The following PTPRF variants were observed in gnomAD, a reference collection of about 807,000 sequenced individuals.
PTPRF encodes the protein receptor-type tyrosine-protein phosphatase F.
In PTPRF, 59 loss-of-function variants were observed where a neutral mutation model predicts 201.8. The observed-to-expected ratio is 0.29, with a 90% confidence interval of 0.24 to 0.36. The LOEUF is 0.36. Ranked by LOEUF, PTPRF falls within the 10% of genes least tolerant of loss-of-function variation. PTPRF has a pLI of 1.00. For synonymous variants in PTPRF, 1,088 were observed against 1,089.7 expected (o/e 1.00, Z 0.03); for missense variants, 2,132 against 2,690.5 (o/e 0.79, Z 4.59).
chr1:43,555,954 C>A (rs968289459), intron 5 of PTPRF, among the ~76,000 whole-genome samples: 1 of 152,176 alleles, frequency 6.6e-6, no homozygotes, highest in African/African-American at 2.4e-5. Flanking sequence ...AGTCAAAGGG[C>A]ACATGCATTT....
upstream of PTPRF, among the ~76,000 whole-genome samples, chr1:43,522,067 TCCAA>T (rs1208826669): frequency 6.6e-6 from 1 of 152,140 alleles, no homozygotes; most frequent in African/African-American, 2.4e-5. Context: ...AAGCTACTCT[TCCAA>T]GAACATGGCC....
Position 43,591,223 on chromosome 1 carries a change from A to G in PTPRF, c.1201A>G (p.Ser401Gly), listed in dbSNP as rs764728270. 3 of 1,602,770 alleles carry G rather than the reference A, an allele frequency of 1.9e-6. No individual in the cohort carries two copies. The highest frequency in any genetic ancestry group is 2.6e-6 in the Non-Finnish European group (3 of 1,174,814). ...GAACAGCATCGGGCGAGGGCCGCCCAGCGAGGCAGTGCGGGCACGCACGGG... is the reference window on the plus strand; with the variant it reads ...GAACAGCATCGGGCGAGGGCCGCCCGGCGAGGCAGTGCGGGCACGCACGGG... The part of the protein sequence containing the change: ...AVNSIGRGPP[S>G]EAVRARTGEQ... The change falls in exon 9 of 34, where the codon AGC becomes GGC. Residue 401 changes from serine (S) to glycine (G), a missense_variant. Transcript: ENST00000359947.
chr1:43,605,390 G>T lies in PTPRF; in HGVS notation c.3336G>T (p.Glu1112Asp). Residue 1112 changes from glutamate (E) to aspartate (D), a missense_variant, in exon 18 of 34, where the codon GAG (glutamate) becomes GAT (aspartate). Transcript: ENST00000359947. ...HKPLPASAYIEDGRFDLSMPH... is the reference protein window; with the variant it reads ...HKPLPASAYIDDGRFDLSMPH... The stretch of plus-strand genomic sequence containing the variant: ...CGCTGCCTGCCTCTGCCTACATAGA[G>T]GACGGCCGCTTCGATCTCTCCATGC... 1 of 1,613,862 alleles carries T rather than the reference G, an allele frequency of 6.2e-7. No individual in the cohort carries two copies. Among genetic ancestry groups the T allele is most frequent in the Non-Finnish European group, 8.5e-7 (1 of 1,179,832 alleles).
At chr1:43,552,299 T>A (rs1422771217) in intron 3 of PTPRF, among the ~76,000 whole-genome samples, 1 of 152,148 alleles carries the variant, frequency 6.6e-6, no homozygotes, top group Non-Finnish European at 1.5e-5. Flanking sequence ...GACAATCTTG[T>A]GTGAACTGTT....
chr1:43,592,682 G>A (rs1449576027), intron 11 of PTPRF, 81 bp downstream of exon 11: 12 of 1,413,438 alleles, frequency 8.5e-6, no homozygotes, highest in African/African-American at 4.4e-5. Flanking sequence ...CTTCCCCCTC[G>A]ACCAGGCAGG....
chr1:43,616,315 C>A (rs1256606454), intron 23 of PTPRF, among the ~76,000 whole-genome samples: 1 of 151,406 alleles, frequency 6.6e-6, no homozygotes, highest in Non-Finnish European at 1.5e-5. Context: ...TGGGTCCTCA[C>A]TAACGCTTCG....
intron 1 of PTPRF, chr1:43,532,513 C>G (rs1184191423): frequency 1.3e-5 from 2 of 158,594 alleles, no homozygotes; most frequent in African/African-American, 4.8e-5. Context: ...GGGAAGTGCA[C>G]TGGGGTGAGA....
chr1:43,526,954 G>T (rs1346121042), upstream of PTPRF, among the ~76,000 whole-genome samples: 1 of 152,222 alleles, frequency 6.6e-6, no homozygotes, highest in African/African-American at 2.4e-5. Flanking sequence ...CAAACCCCTG[G>T]AGTTCATGGA....
chr1:43,585,207 C>A (rs998674009), intron 7 of PTPRF, among the ~76,000 whole-genome samples: 5 of 152,166 alleles, frequency 3.3e-5, no homozygotes, highest in African/African-American at 1.2e-4. Flanking sequence ...GGCCCTGTGC[C>A]TGCAGCAGTG....
At position 43,622,861 on chromosome 1, in the gene PTPRF, C is replaced by T. The variant is rs1659472904; in HGVS notation, c.*858C>T. 1 of 150,188 alleles carries T rather than the reference C, an allele frequency of 6.7e-6. No individual in the cohort carries two copies. The highest frequency in any genetic ancestry group is 2.1e-4 in the South Asian group (1 of 4,696). The allele number at this position is 150,188 out of a possible 1,614,324, so 9.3% of individuals were successfully genotyped here. A position where few individuals can be genotyped will look rare whatever the true frequency, so the allele number is the denominator to read the frequency against. ...AAAGGTTAAAACAAAAACAAAAAAC[C>T]ACAAAAATAAAAAACAAAAAAAACA... On this transcript the variant is annotated 3_prime_UTR_variant, in exon 34 of 34. Coordinates refer to ENST00000359947, the MANE Select transcript of PTPRF (RefSeq NM_002840.5).
Position 43,546,564 on chromosome 1 carries a change from C to T in PTPRF, c.91+1398C>T, listed in dbSNP as rs1293408584. ...TTGGACATTGAAGTACTGTCCTTGC[C>T]CTCCCCGCCGACCCAACCCCAGGCA... On this transcript the variant is annotated intron_variant, in intron 3 of 33. Transcript: ENST00000359947. The surrounding 1 kb of genome is among the most constrained non-coding windows in gnomAD (Gnocchi z 4.2). Among the ~76,000 whole-genome samples the T allele has an allele frequency of 6.6e-6, 1 of 152,042 alleles. No individual in the cohort carries two copies. The highest frequency in any genetic ancestry group is 2.4e-5 in the African/African-American group (1 of 41,362).
intron 6 of PTPRF, among the ~76,000 whole-genome samples, chr1:43,571,969 C>T (rs1320952773): frequency 6.6e-6 from 1 of 152,226 alleles, no homozygotes; most frequent in African/African-American, 2.4e-5. Context: ...GAGTTGATGG[C>T]CTGGCCTCTG....
At chr1:43,612,807 T>C in intron 22 of PTPRF, 1 of 1,364,972 alleles carries the variant, frequency 7.3e-7, no homozygotes, top group Non-Finnish European at 9.8e-7. Flanking sequence ...TCAAGTTAGT[T>C]TTCAAAGTTC....
At chr1:43,612,381 T>C (rs1213038135) in intron 22 of PTPRF, among the ~76,000 whole-genome samples, 1 of 152,092 alleles carries the variant, frequency 6.6e-6, no homozygotes, top group South Asian at 2.1e-4. Context: ...GGGTGTGGGA[T>C]CTGAGAAGGA....
intron 7 of PTPRF, among the ~76,000 whole-genome samples, chr1:43,587,764 C>T (rs373948734): frequency 6.6e-6 from 1 of 152,192 alleles, no homozygotes; most frequent in African/African-American, 2.4e-5. Context: ...AGCTGCATGG[C>T]CCATCTGCAT....
At chr1:43,598,335 A>G (rs1488509735) in intron 12 of PTPRF, 3 of 471,782 alleles carry the variant, frequency 6.4e-6, no homozygotes. Flanking sequence ...TTGGTGTAAA[A>G]GATACTCAAA....
chr1:43,618,490 G>C (rs1169966190), intron 25 of PTPRF, 140 bp from the exon 26 acceptor site: 1 of 1,010,410 alleles, frequency 9.9e-7, no homozygotes, highest in Admixed American at 2.3e-5. Flanking sequence ...GAGGACAGGG[G>C]GCAATGGATC....
At chr1:43,564,134 G>A (rs953976816) in intron 5 of PTPRF, among the ~76,000 whole-genome samples, 2 of 152,178 alleles carry the variant, frequency 1.3e-5, no homozygotes, top group Admixed American at 1.3e-4. Context: ...GCTGAAAATC[G>A]AGACTCAAAG....
At chr1:43,532,802 C>T (rs1643725664) in intron 1 of PTPRF, among the ~76,000 whole-genome samples, 1 of 152,044 alleles carries the variant, frequency 6.6e-6, no homozygotes, top group South Asian at 2.1e-4. Context: ...CAACCCCCTA[C>T]ATTCTCAGCC....
Sources: gnomAD v4.1 joint callset for allele counts (sites outside exome capture counted in the v4.1 genomes callset) on GRCh38, gnomAD v4.1.1 for gene constraint, Gnocchi (gnomAD v3.1) non-coding constraint, MANE v1.5 for transcripts, NCBI Gene and HGNC (gene_info 2026-07-23, HGNC 2026-07-21) for gene names.